CSMD1: variants seen among roughly 807,000 people sequenced by gnomAD.
CSMD1 encodes CUB and Sushi multiple domains 1.
A neutral mutation model predicts 417.5 loss-of-function variants in CSMD1; 213 were observed. The observed-to-expected ratio is 0.51, with a 90% confidence interval of 0.46 to 0.57. The LOEUF (loss-of-function observed/expected upper bound fraction) is 0.57. CSMD1 is among the 20% of genes least tolerant of loss of function. The pLI is 0.00. For synonymous variants in CSMD1, 2,862 were observed against 1,736.8 expected (o/e 1.65, Z -16.11); for missense variants, 6,923 against 4,529.7 (o/e 1.53, Z -15.17).
intron 2 of CSMD1, among the ~76,000 whole-genome samples, chr8:4,508,078 A>G (rs963350728): frequency 2.9e-5 from 4 of 137,206 alleles, no homozygotes; most frequent in Non-Finnish European, 6.2e-5. Context: ...AGCTATGTAG[A>G]AAAAAAATAC....
At chr8:4,575,469 A>C (rs1031325478) in intron 2 of CSMD1, among the ~76,000 whole-genome samples, 2 of 152,152 alleles carry the variant, frequency 1.3e-5, no homozygotes, top group African/African-American at 4.8e-5. Context: ...ATTTCTCTGA[A>C]CGTTATCTGA....
chr8:3,959,360 G>A (rs1025979548), intron 5 of CSMD1, among the ~76,000 whole-genome samples: 1 of 152,166 alleles, frequency 6.6e-6, no homozygotes. Context: ...TTAGCTGGGT[G>A]TGATGGCGCC....
intron 1 of CSMD1, among the ~76,000 whole-genome samples, chr8:4,867,152 A>G (rs1019615932): frequency 8.5e-5 from 13 of 152,054 alleles, no homozygotes; most frequent in Admixed American, 7.9e-4. Flanking sequence ...TATATTTACA[A>G]TTTATTTAAC....
intron 3 of CSMD1, among the ~76,000 whole-genome samples, chr8:4,318,391 T>C (rs1799060745): frequency 6.6e-6 from 1 of 152,116 alleles, no homozygotes; most frequent in Non-Finnish European, 1.5e-5. Flanking sequence ...ACATCTCTAT[T>C]TGCGCATTTT....
chr8:3,181,343 T>C, intron 36 of CSMD1, 129 bp from the exon 37 acceptor site: 1 of 660,778 alleles, frequency 1.5e-6, no homozygotes, highest in Non-Finnish European at 2.6e-6. Flanking sequence ...ATATTTAATC[T>C]GAGTGTTGGT....
chr8:4,899,383 G>A (rs1423173377), intron 1 of CSMD1, among the ~76,000 whole-genome samples: 10 of 152,118 alleles, frequency 6.6e-5, no homozygotes, highest in Non-Finnish European at 1.5e-4. Context: ...ATATACTGAG[G>A]AATTATTTGG....
At chr8:3,062,137 T>A (rs1812627176) in intron 49 of CSMD1, among the ~76,000 whole-genome samples, 1 of 152,228 alleles carries the variant, frequency 6.6e-6, no homozygotes, top group Non-Finnish European at 1.5e-5. Flanking sequence ...TTAATGGGAA[T>A]ATTTCTGGGT....
chr8:2,985,938 AGGGAAGGGGAAG>A (rs747304622), intron 54 of CSMD1, among the ~76,000 whole-genome samples: 31 of 101,792 alleles, frequency 3.0e-4, no homozygotes, highest in East Asian at 6.7e-4. Flanking sequence ...AGGGGAGGGA[AGGGAAGGGGAAG>A]GGGAAGGGGA....
At chr8:3,043,955 T>G (rs1811275453) in intron 50 of CSMD1, among the ~76,000 whole-genome samples, 1 of 152,128 alleles carries the variant, frequency 6.6e-6, no homozygotes. Flanking sequence ...CTCCACATAT[T>G]GGAAAGAGCT....
At chr8:4,087,106 C>G (rs931530793) in intron 3 of CSMD1, among the ~76,000 whole-genome samples, 1 of 152,206 alleles carries the variant, frequency 6.6e-6, no homozygotes, top group Non-Finnish European at 1.5e-5. Flanking sequence ...CCTGGAGCAA[C>G]TGGCATTCAA....
At chr8:4,204,511 T>C (rs926686951) in intron 3 of CSMD1, among the ~76,000 whole-genome samples, 1 of 152,216 alleles carries the variant, frequency 6.6e-6, no homozygotes, top group Admixed American at 6.5e-5. Context: ...TCAATTTCCA[T>C]AATTTATTTC....
chr8:3,969,211 C>G (rs994970602), intron 5 of CSMD1, among the ~76,000 whole-genome samples: 1 of 152,142 alleles, frequency 6.6e-6, no homozygotes, highest in Non-Finnish European at 1.5e-5. Context: ...GATCGTGACA[C>G]TGCACTCCAG....
At chr8:3,886,640 T>C (rs1300150694) in intron 5 of CSMD1, among the ~76,000 whole-genome samples, 1 of 152,136 alleles carries the variant, frequency 6.6e-6, no homozygotes, top group Non-Finnish European at 1.5e-5. Flanking sequence ...TGCTGAGTAG[T>C]GAGATGTATC....
intron 7 of CSMD1, among the ~76,000 whole-genome samples, chr8:3,644,965 T>TAAAAAAA (rs1797501015): frequency 3.5e-5 from 1 of 28,804 alleles, no homozygotes; most frequent in African/African-American, 2.3e-4. Flanking sequence ...AGGCTTTAAA[T>TAAAAAAA]GAAAAAAAAA....
chr8:3,270,911 CTTT>C (rs111740366), intron 26 of CSMD1, among the ~76,000 whole-genome samples: 1 of 150,490 alleles, frequency 6.6e-6, no homozygotes, highest in African/African-American at 2.4e-5. Flanking sequence ...ATCTTTTTTT[CTTT>C]TTTTTTTTAA....
intron 7 of CSMD1, among the ~76,000 whole-genome samples, chr8:3,648,401 C>T (rs2117364406): frequency 6.6e-6 from 1 of 152,264 alleles, no homozygotes; most frequent in South Asian, 2.1e-4. Flanking sequence ...TGACATGCTG[C>T]CTGCTGCACT....
intron 31 of CSMD1, 51 bp from the exon 32 acceptor site, chr8:3,201,776 A>C: frequency 1.8e-6 from 2 of 1,118,632 alleles, no homozygotes; most frequent in Non-Finnish European, 1.3e-6. Context: ...AGAAAACAAA[A>C]TGGAGATTTT....
chr8:4,620,646 G>T (rs1385046720), intron 2 of CSMD1, among the ~76,000 whole-genome samples: 1 of 151,810 alleles, frequency 6.6e-6, no homozygotes, highest in Non-Finnish European at 1.5e-5. Context: ...CATACAACAT[G>T]CTTCTTAAAA....
At chr8:3,206,139 G>A (rs112358381) in intron 30 of CSMD1, among the ~76,000 whole-genome samples, 6 of 151,608 alleles carry the variant, frequency 4.0e-5, no homozygotes, top group African/African-American at 9.7e-5. Context: ...TGCTTTTGGG[G>A]TCTCTTCCTA....
Sources: gnomAD v4.1 joint callset for allele counts (sites outside exome capture counted in the v4.1 genomes callset) on GRCh38, gnomAD v4.1.1 for gene constraint, MANE v1.5 for transcripts, NCBI Gene and HGNC (gene_info 2026-07-23, HGNC 2026-07-21) for gene names.